Variants in GLYATL3 observed in about 807,000 individuals in gnomAD.
GLYATL3 encodes the protein glycine-N-acyltransferase like 3, also known as glycine N-acyltransferase-like protein 3.
In GLYATL3, 31 loss-of-function variants were observed where a neutral mutation model predicts 28.5. That is an observed-to-expected ratio of 1.09 (90% CI 0.82 to 1.47). GLYATL3 has a LOEUF of 1.47. GLYATL3 is among the 40% of genes most tolerant of loss of function. The pLI, the probability that GLYATL3 is intolerant of heterozygous loss-of-function variation, is 0.00. For synonymous variants in GLYATL3, 141 were observed against 140.2 expected, an observed-to-expected ratio of 1.01 and a Z score of -0.04; for missense variants, 369 against 351.5, an observed-to-expected ratio of 1.05 and a Z score of -0.40.
intron 4 of GLYATL3, among the ~76,000 whole-genome samples, chr6:49,518,754 C>T (rs941042202): frequency 3.9e-5 from 6 of 152,034 alleles, no homozygotes; most frequent in African/African-American, 7.2e-5. Context: ...TTCTGGCTAA[C>T]ACGGTGAAAC....
In GLYATL3 at chr6:49,511,966, T is replaced by G; in HGVS notation, c.-25T>G. 1 of 1,185,736 alleles carries G rather than the reference T, an allele frequency of 8.4e-7. No homozygotes were observed. Among genetic ancestry groups the G allele is most frequent in the Non-Finnish European group, 1.2e-6 (1 of 829,908 alleles). The allele number at this position is 1,185,736 out of a possible 1,614,324, so 73.5% of individuals were successfully genotyped here. A position where few individuals can be genotyped will look rare whatever the true frequency, so the allele number is the denominator to read the frequency against. On this transcript the variant is annotated 5_prime_UTR_variant, in exon 2 of 6. Transcript: ENST00000371197. ...CTACCTTCAAGTTTCTAATTAGGTG[T>G]GGAGTTGCAAGAGCTCTGGAAAAGA...
intron 4 of GLYATL3, among the ~76,000 whole-genome samples, chr6:49,520,686 G>A (rs189236122): frequency 1.3e-5 from 2 of 152,208 alleles, no homozygotes; most frequent in Admixed American, 1.3e-4. Flanking sequence ...TTGGAAAGGT[G>A]GAGAAAGGAA....
At position 49,526,930 on chromosome 6, in the gene GLYATL3, C is replaced by T. The variant is rs1390034235; in HGVS notation, c.*16C>T. The T allele has an allele frequency of 4.7e-6, 7 of 1,474,934 alleles. 1 individual carries two copies. In the Admixed American group the frequency reaches 1.4e-4, roughly 30 times the overall value. 91.4% of individuals were successfully genotyped at this position (1,474,934 alleles called of 1,614,324 possible). On this transcript the variant is annotated 3_prime_UTR_variant, in exon 6 of 6. Transcript: ENST00000371197. The stretch of plus-strand genomic sequence containing the variant: ...TCACCTCTAGCCCAGTAAAAAACTG[C>T]AGTGGTTTTATTACTTTCCCTGAGC...
intron 2 of GLYATL3, among the ~76,000 whole-genome samples, chr6:49,512,374 G>C (rs1192160390): frequency 5.5e-5 from 8 of 145,692 alleles, no homozygotes; most frequent in Admixed American, 3.6e-4. Flanking sequence ...ATGGTGGTTT[G>C]CTGCACCTAT....
At chr6:49,504,538 G>T (rs1468260840) in intron 1 of GLYATL3, among the ~76,000 whole-genome samples, 1 of 152,114 alleles carries the variant, frequency 6.6e-6, no homozygotes, top group East Asian at 1.9e-4. Flanking sequence ...AACAGAACTA[G>T]ATTTAGGAAT....
At chr6:49,503,948 C>T (rs1315404517) in intron 1 of GLYATL3, among the ~76,000 whole-genome samples, 9 of 152,162 alleles carry the variant, frequency 5.9e-5, no homozygotes, top group Non-Finnish European at 1.0e-4. Flanking sequence ...GGCAGGACAA[C>T]GATCGTCTAC....
At chr6:49,501,408 C>A (rs1768911716) in intron 1 of GLYATL3, among the ~76,000 whole-genome samples, 1 of 152,190 alleles carries the variant, frequency 6.6e-6, no homozygotes, top group Non-Finnish European at 1.5e-5. Flanking sequence ...CGCCAATGCA[C>A]TGACTATACC....
Position 49,512,190 on chromosome 6 carries a change from C to T in GLYATL3, c.78+122C>T, listed in dbSNP as rs557296573. The stretch of plus-strand genomic sequence containing the variant: ...AGACTCTCTAGGAGCACTTGTTAAA[C>T]ATACAGCTTCCCAGCTCCCTCCTGC... On this transcript the variant is annotated intron_variant, in intron 2 of 5. Transcript: ENST00000371197. 4.9e-4 allele frequency: 216 copies of T among 445,356 alleles called. 2 individuals are homozygous for T. Among genetic ancestry groups the T allele is most frequent in the South Asian group, 4.4e-3 (84 of 19,254 alleles). The allele number at this position is 445,356 out of a possible 1,614,324, so 27.6% of individuals were successfully genotyped here.
At chr6:49,514,797 A>G (rs1000397524) in intron 2 of GLYATL3, among the ~76,000 whole-genome samples, 3 of 152,040 alleles carry the variant, frequency 2.0e-5, no homozygotes, top group Non-Finnish European at 4.4e-5. Flanking sequence ...AGCGCCACTG[A>G]ACTCCAGCCT....
intron 2 of GLYATL3, among the ~76,000 whole-genome samples, chr6:49,514,801 C>CCAGCCTGGGTGACAGAGCGAGACT: frequency 1.3e-5 from 2 of 152,214 alleles, no homozygotes; most frequent in South Asian, 4.1e-4. Context: ...CCACTGAACT[C>CCAGCCTGGGTGACAGAGCGAGACT]CAGCCTGGGT....
chr6:49,522,514 A>T (rs1769333161), intron 5 of GLYATL3, among the ~76,000 whole-genome samples: 1 of 152,166 alleles, frequency 6.6e-6, no homozygotes. Flanking sequence ...ACAAATAATA[A>T]TTGTACACAT....
chr6:49,525,093 A>ATTTTTTTTTT (rs10630585), intron 5 of GLYATL3, among the ~76,000 whole-genome samples: 2 of 141,354 alleles, frequency 1.4e-5, no homozygotes, highest in African/African-American at 2.6e-5. Flanking sequence ...ATTCTAAAAC[A>ATTTTTTTTTT]TTTTTTTTTT....
At chr6:49,502,872 G>C (rs570842288) in intron 1 of GLYATL3, among the ~76,000 whole-genome samples, 1 of 152,232 alleles carries the variant, frequency 6.6e-6, no homozygotes, top group South Asian at 2.1e-4. Flanking sequence ...CCTATGTAAG[G>C]CTACGGGAAG....
chr6:49,512,084 T>A lies in GLYATL3; in HGVS notation c.78+16T>A. The A allele has an allele frequency of 1.9e-6, 2 of 1,057,612 alleles. No homozygotes were observed. Among genetic ancestry groups the A allele is most frequent in the Non-Finnish European group, 2.8e-6 (2 of 717,092 alleles). 65.5% of individuals were successfully genotyped at this position (1,057,612 alleles called of 1,614,324 possible). A position where few individuals can be genotyped will look rare whatever the true frequency, so the allele number is the denominator to read the frequency against. ...ATCACTCAAGGTACCATAAAATTAA[T>A]AATTTTATTTTATTTCTTTATTGTG... On this transcript the variant is annotated intron_variant, in intron 2 of 5. Transcript: ENST00000371197.
chr6:49,507,344 C>T (rs1285944894), intron 1 of GLYATL3, among the ~76,000 whole-genome samples: 1 of 152,062 alleles, frequency 6.6e-6, no homozygotes, highest in African/African-American at 2.4e-5. Flanking sequence ...AGAGTGGCAC[C>T]AACTCTATCC....
At chr6:49,508,006 A>G (rs1262638866) in intron 1 of GLYATL3, among the ~76,000 whole-genome samples, 1 of 152,178 alleles carries the variant, frequency 6.6e-6, no homozygotes, top group Non-Finnish European at 1.5e-5. Context: ...AATTTACAAT[A>G]TAGCGTGTGC....
chr6:49,514,147 C>T (rs1020435405), intron 2 of GLYATL3, among the ~76,000 whole-genome samples: 2 of 152,136 alleles, frequency 1.3e-5, no homozygotes, highest in African/African-American at 4.8e-5. Context: ...TTACTTTTGA[C>T]GTCACTCCTT....
At position 49,515,507 on chromosome 6, in the gene GLYATL3, T is replaced by C. The variant is rs528903484; in HGVS notation, c.79-146T>C. Reference sequence around the variant, plus strand: ...ATAGAAAAATTAATATACGTGTCTATTATGTGTCTGAATGTATGTATATAT... The same window carrying C: ...ATAGAAAAATTAATATACGTGTCTACTATGTGTCTGAATGTATGTATATAT... On this transcript the variant is annotated intron_variant, in intron 2 of 5. Transcript: ENST00000371197. 2.9e-4 allele frequency: 147 copies of C among 501,748 alleles called. 1 individual carries two copies. The highest frequency in any genetic ancestry group is 2.6e-3 in the African/African-American group (131 of 51,140). The allele number at this position is 501,748 out of a possible 1,614,324, so 31.1% of individuals were successfully genotyped here. A position where few individuals can be genotyped will look rare whatever the true frequency, so the allele number is the denominator to read the frequency against.
intron 1 of GLYATL3, among the ~76,000 whole-genome samples, chr6:49,502,694 C>T (rs1281711229): frequency 6.6e-6 from 1 of 152,160 alleles, no homozygotes; most frequent in African/African-American, 2.4e-5. Flanking sequence ...ACAAAATGAA[C>T]AGTTTGAATA....
Sources: gnomAD v4.1 joint callset for allele counts (sites outside exome capture counted in the v4.1 genomes callset) on GRCh38, gnomAD v4.1.1 for gene constraint, MANE v1.5 for transcripts, NCBI Gene and HGNC (gene_info 2026-07-23, HGNC 2026-07-21) for gene names.